KLHDC9: variants seen among roughly 807,000 people sequenced by gnomAD.
KLHDC9 encodes the protein kelch domain containing 9.
KLHDC9 carries 26 observed loss-of-function variants against 31.5 expected under a neutral mutation model. The ratio of observed to expected loss-of-function variants is 0.83; its 90% confidence interval spans 0.61 to 1.15. KLHDC9 has a LOEUF of 1.15. Among genes scored for constraint, KLHDC9 ranks in the 50% most tolerant of loss-of-function variants. The probability of loss-of-function intolerance (pLI) is 0.00; values close to 1 mark genes in which losing one functional copy is unlikely to be tolerated. For missense variants in KLHDC9, 437 were observed against 467.7 expected (o/e 0.93, Z 0.61); for synonymous variants, 176 against 184.7 (o/e 0.95, Z 0.38).
chr1:161,099,957 A>G, intron 3 of KLHDC9, 104 bp from the exon 4 acceptor site: 1 of 1,457,596 alleles, frequency 6.9e-7, no homozygotes. Flanking sequence ...AGGCCTACAA[A>G]TCAAGTGAGC....
At position 161,099,788 on chromosome 1, in the gene KLHDC9, ATGATACTCG is replaced by A; in HGVS notation, c.882_886+4del. The A allele has an allele frequency of 6.2e-7, 1 of 1,612,944 alleles. No homozygotes were observed. The highest frequency in any genetic ancestry group is 8.5e-7 in the Non-Finnish European group (1 of 1,179,180). On this transcript the variant is annotated splice_donor_variant and coding_sequence_variant, in exon 3 of 4. Transcript: ENST00000368011. LOFTEE classifies it high-confidence loss of function. ...ACCATCTGCAATGATCTCTACATCTATGATACTCGTGAGAGCCAGACTAATGGCTGAAGG... is the reference window on the plus strand; with the variant it reads ...ACCATCTGCAATGATCTCTACATCTATGAGAGCCAGACTAATGGCTGAAGG...
At chr1:161,099,167 CCCT>C (rs1654453370) in intron 1 of KLHDC9, 105 bp downstream of exon 1, 1 of 1,366,438 alleles carries the variant, frequency 7.3e-7, no homozygotes, top group African/African-American at 1.4e-5. Context: ...CACTCTAGCA[CCCT>C]CCTTCCAGGG....
rs186325496 is a variant in KLHDC9, at chr1:161,099,288, G to C, written c.528-58G>C. The stretch of plus-strand genomic sequence containing the variant: ...TTCTCCATCCATCCTTGGCAAGGGC[G>C]GTGGCACTTACATTTTCCAGAAAAC... On this transcript the variant is annotated intron_variant, in intron 1 of 3. Transcript: ENST00000368011. 4 of 1,596,262 alleles carry C rather than the reference G, an allele frequency of 2.5e-6. No individual in the cohort carries two copies. The Admixed American group carries it at 5.0e-5, about 20-fold the overall frequency.
In KLHDC9 at chr1:161,098,553, C is replaced by A. The variant is rs1654412874; in HGVS notation, c.18C>A (p.Pro6=). 1 of 1,555,874 alleles carries A rather than the reference C, an allele frequency of 6.4e-7. No individual in the cohort carries two copies. Among genetic ancestry groups the A allele is most frequent in the Non-Finnish European group, 8.7e-7 (1 of 1,149,322 alleles). MAVAV[P]PGRAAGSGWA... ...CGGGGCCCATGGCGGTGGCCGTGCC[C>A]CCGGGTCGGGCCGCAGGCTCAGGCT... The change falls in exon 1 of 4, where the codon CCC becomes CCA. Residue 6 remains proline (P), a synonymous_variant. Transcript: ENST00000368011. This position sits in a 1 kb window ranked among gnomAD's most constrained non-coding sequence, Gnocchi z 6.3.
chr1:161,099,506 G>C lies in KLHDC9; in HGVS notation c.687+1G>C. ...GCATTGGAGTCATGGGAAAATTAAG[G>C]TATTAGCTCCTCACACATCTTGTTT... is the stretch of plus-strand genomic sequence containing the variant. On this transcript the variant is annotated splice_donor_variant, in intron 2 of 3. Transcript: ENST00000368011. LOFTEE classifies it high-confidence loss of function. 1 of 1,614,252 alleles carries C rather than the reference G, an allele frequency of 6.2e-7. No individual in the cohort carries two copies. The highest frequency in any genetic ancestry group is 1.1e-5 in the South Asian group (1 of 91,092).
In KLHDC9 at chr1:161,100,063, A is replaced by T. The variant is rs1272748536; in HGVS notation, c.889A>T (p.Thr297Ser). The T allele has an allele frequency of 8.7e-6, 14 of 1,614,084 alleles. No homozygotes were observed. The highest frequency in any genetic ancestry group is 1.0e-5 in the Non-Finnish European group (12 of 1,180,008). ...CNDLYIYDTR[T>S]SPPLWFHFPC... is the part of the protein sequence containing the mutation. ...CACCCTCTGCCCGTATCCAACAGGC[A>T]CATCTCCTCCTTTGTGGTTCCACTT... The change falls in exon 4 of 4, where the codon ACA (threonine) becomes TCA (serine). Residue 297 changes from threonine to serine, a missense_variant and splice_region_variant. Coordinates refer to ENST00000368011, the MANE Select transcript of KLHDC9 (RefSeq NM_152366.5).
chr1:161,099,002 C>G lies in KLHDC9; in HGVS notation c.467C>G (p.Thr156Ser). The G allele has an allele frequency of 1.9e-6, 3 of 1,595,546 alleles. No individual in the cohort carries two copies. Among genetic ancestry groups the G allele is most frequent in the Non-Finnish European group, 2.5e-6 (3 of 1,178,118 alleles). The change falls in exon 1 of 4, where the codon ACT becomes AGT. Residue 156 changes from threonine to serine, a missense_variant. By Grantham distance (58) the Thr-to-Ser change is moderately conservative. Coordinates refer to ENST00000368011, the MANE Select transcript of KLHDC9 (RefSeq NM_152366.5). Reference sequence around the variant, plus strand: ...GCTGGCCGGGAGGGCGGTATCCACACTCAGCGACGCTATGGAAGCATCTAC... The same window carrying G: ...GCTGGCCGGGAGGGCGGTATCCACAGTCAGCGACGCTATGGAAGCATCTAC... ...QVAGREGGIH[T>S]QRRYGSIYTL...
rs1312728302 is a variant in KLHDC9 at position 161,099,047 on chromosome 1, G to A, written c.512G>A (p.Ser171Asn). 1.3e-6 allele frequency: 2 copies of A among 1,596,466 alleles called. No individual in the cohort carries two copies. Among genetic ancestry groups the A allele is most frequent in the South Asian group, 1.1e-5 (1 of 90,580 alleles). ...ATCTACACATTAAGGCTGGACCCCA[G>A]CGCCCGCACCTATTGGTATGGCACC... ...GSIYTLRLDP[S>N]ARTYCYKQEG... is the part of the protein sequence containing the mutation. The change falls in exon 1 of 4, where the codon AGC becomes AAC. Residue 171 changes from serine (S) to asparagine (N), a missense_variant. Ser to Asn is a conservative substitution (Grantham distance 46). Transcript: ENST00000368011.
Position 161,098,864 on chromosome 1 carries a change from T to G in KLHDC9, c.329T>G (p.Leu110Arg). ...GSRRLATVTA[L>R]DTERGVWEAW... The stretch of plus-strand genomic sequence containing the variant: ...CGCCGCTTGGCCACAGTGACCGCAC[T>G]GGACACAGAGCGCGGTGTGTGGGAG... Residue 110 changes from leucine to arginine, a missense_variant, in exon 1 of 4, where the codon CTG (leucine) becomes CGG (arginine). By Grantham distance (102) the Leu-to-Arg change is moderately radical (BLOSUM62 -2). Transcript: ENST00000368011. This position sits in a 1 kb window ranked among gnomAD's most constrained non-coding sequence, Gnocchi z 6.3. 1 of 1,579,162 alleles carries G rather than the reference T, an allele frequency of 6.3e-7. No individual in the cohort carries two copies. The highest frequency in any genetic ancestry group is 8.6e-7 in the Non-Finnish European group (1 of 1,162,952).
At chr1:161,099,192 G>A in intron 1 of KLHDC9, 130 bp downstream of exon 1, 1 of 1,313,526 alleles carries the variant, frequency 7.6e-7, no homozygotes, top group Non-Finnish European at 1.1e-6. Context: ...AACCTACCAT[G>A]TTTAAGCTAG....
In KLHDC9 at chr1:161,098,963, G is replaced by C. The variant is rs760936296; in HGVS notation, c.428G>C (p.Arg143Pro). ...CACACCTGCACCCGAATCTCTGACCGAGAGCTGCAGGTGGCTGGCCGGGAG... is the reference window on the plus strand; with the variant it reads ...CACACCTGCACCCGAATCTCTGACCCAGAGCTGCAGGTGGCTGGCCGGGAG... ...SSHTCTRISD[R>P]ELQVAGREGG... Residue 143 changes from arginine to proline, a missense_variant, in exon 1 of 4, where the codon CGA becomes CCA. Coordinates refer to ENST00000368011, the MANE Select transcript of KLHDC9 (RefSeq NM_152366.5). The surrounding 1 kb of genome is among the most constrained non-coding windows in gnomAD (Gnocchi z 6.3). 106 of 1,588,446 alleles carry C rather than the reference G, an allele frequency of 6.7e-5. No homozygotes were observed. Among genetic ancestry groups the C allele is most frequent in the Non-Finnish European group, 8.4e-5 (99 of 1,174,152 alleles).
At position 161,098,728 on chromosome 1, in the gene KLHDC9, A is replaced by AG. The variant is rs771990565; in HGVS notation, c.197dup (p.Gln67ProfsTer60). 2 of 1,610,974 alleles carry AG rather than the reference A, an allele frequency of 1.2e-6. No individual in the cohort carries two copies. The highest frequency in any genetic ancestry group is 2.7e-5 in the African/African-American group (2 of 74,828). ...CGATACGGTGGTTTTCGACCCAGCTAGGGGCCAGGCCGTACGATTGGGAGC... is the reference window on the plus strand; with the variant it reads ...CGATACGGTGGTTTTCGACCCAGCTAGGGGGCCAGGCCGTACGATTGGGAGC... On this transcript the variant is annotated frameshift_variant, in exon 1 of 4. Coordinates refer to ENST00000368011, the MANE Select transcript of KLHDC9 (RefSeq NM_152366.5). LOFTEE classifies it high-confidence loss of function. This position sits in a 1 kb window ranked among gnomAD's most constrained non-coding sequence, Gnocchi z 6.3.
intron 1 of KLHDC9, 31 bp downstream of exon 1, chr1:161,099,093 T>A: frequency 1.3e-6 from 2 of 1,588,010 alleles, no homozygotes; most frequent in Non-Finnish European, 1.7e-6. Flanking sequence ...AACCTTTCAC[T>A]CTCATCCACA....
intron 3 of KLHDC9, 49 bp from the exon 4 acceptor site, chr1:161,100,012 T>C (rs946384105): frequency 5.6e-6 from 9 of 1,601,056 alleles, no homozygotes; most frequent in Non-Finnish European, 7.7e-6. Context: ...ATTCTGTGAA[T>C]GACAAAGTGC....
rs1335862708 is a variant in KLHDC9 at position 161,098,614 on chromosome 1, G to A, written c.79G>A (p.Ala27Thr). The A allele has an allele frequency of 6.2e-7, 1 of 1,606,270 alleles. No individual in the cohort carries two copies. Among genetic ancestry groups the A allele is most frequent in the Non-Finnish European group, 8.5e-7 (1 of 1,176,422 alleles). The change falls in exon 1 of 4, where the codon GCT becomes ACT. Residue 27 changes from alanine (A) to threonine (T), a missense_variant. Ala to Thr is a moderately conservative substitution (Grantham distance 58). Transcript: ENST00000368011. The surrounding 1 kb of genome is among the most constrained non-coding windows in gnomAD (Gnocchi z 6.3). ...WRPVARDALL[A>T]RAFHSCTELR... ...GCCAGTGGCGCGGGACGCGCTTTTG[G>A]CTAGAGCTTTCCATTCATGCACCGA... is the stretch of plus-strand genomic sequence containing the variant.
chr1:161,099,593 C>T lies in KLHDC9; in HGVS notation c.688-5C>T, dbSNP rs758973669. On this transcript the variant is annotated splice_region_variant and splice_polypyrimidine_tract_variant and intron_variant, in intron 2 of 3. Coordinates refer to ENST00000368011, the MANE Select transcript of KLHDC9 (RefSeq NM_152366.5). ...TCTTCGGACAGTCCTTTCTTTCTCC[C>T]CAAGGAGGAACCACCTGTTGCTCCT... 1.9e-6 allele frequency: 3 copies of T among 1,614,186 alleles called. No individual in the cohort carries two copies. The highest frequency in any genetic ancestry group is 2.2e-5 in the South Asian group (2 of 91,070).
intron 3 of KLHDC9, 79 bp from the exon 4 acceptor site, chr1:161,099,982 C>A: frequency 6.5e-7 from 1 of 1,536,602 alleles, no homozygotes; most frequent in Non-Finnish European, 9.0e-7. Flanking sequence ...AAACAATGGG[C>A]AAGCCCTTGG....
chr1:161,098,923 G>T lies in KLHDC9; in HGVS notation c.388G>T (p.Ala130Ser). 4 of 1,571,618 alleles carry T rather than the reference G, an allele frequency of 2.5e-6. No individual in the cohort carries two copies. Among genetic ancestry groups the T allele is most frequent in the South Asian group, 2.3e-5 (2 of 86,714 alleles). The change falls in exon 1 of 4, where the codon GCC (alanine) becomes TCC (serine). Residue 130 changes from alanine to serine, a missense_variant. Coordinates refer to ENST00000368011, the MANE Select transcript of KLHDC9 (RefSeq NM_152366.5). This position sits in a 1 kb window ranked among gnomAD's most constrained non-coding sequence, Gnocchi z 6.3. The part of the protein sequence containing the change: ...WTGTPGDCPP[A>S]GLSSHTCTRI... ...AGGGACCCCTGGTGACTGCCCCCCC[G>T]CCGGCCTCAGTAGTCACACCTGCAC...
chr1:161,099,325 T>G (rs759648961), intron 1 of KLHDC9, 21 bp from the exon 2 acceptor site: 1 of 1,614,036 alleles, frequency 6.2e-7, no homozygotes, highest in South Asian at 1.1e-5. Context: ...CACTCAGCCC[T>G]GAATTTCTGC....
Sources: gnomAD v4.1 joint callset for allele counts on GRCh38, gnomAD v4.1.1 for gene constraint, Gnocchi (gnomAD v3.1) non-coding constraint, MANE v1.5 for transcripts, NCBI Gene and HGNC (gene_info 2026-07-23, HGNC 2026-07-21) for gene names.